The following TMEM132D variants were observed in gnomAD, a reference collection of about 807,000 sequenced individuals.
TMEM132D encodes transmembrane protein 132D.
In TMEM132D, 21 loss-of-function variants were observed where a neutral mutation model predicts 62.3. The observed-to-expected ratio is 0.34, with a 90% CI of 0.24 to 0.49. TMEM132D has a LOEUF of 0.49. Among genes scored for constraint, TMEM132D ranks in the 20% least tolerant of loss-of-function variants. The pLI, the probability that TMEM132D is intolerant of heterozygous loss-of-function variation, is 0.99. For synonymous variants in TMEM132D, 621 were observed against 575.6 expected, an observed-to-expected ratio of 1.08 and a Z score of -1.13; for missense variants, 1,346 against 1,402.8, an observed-to-expected ratio of 0.96 and a Z score of 0.65.
At chr12:129,281,427 T>TA (rs1566020914) in intron 4 of TMEM132D, among the ~76,000 whole-genome samples, 64 of 147,710 alleles carry the variant, frequency 4.3e-4, no homozygotes, top group Admixed American at 2.8e-3. Context: ...TCTTTTTTTT[T>TA]TAAAAAAAAA....
intron 1 of TMEM132D, among the ~76,000 whole-genome samples, chr12:129,738,421 G>A (rs1869495368): frequency 1.3e-5 from 2 of 151,780 alleles, no homozygotes; most frequent in African/African-American, 2.4e-5. Context: ...GAAAGGAAGA[G>A]GGGGGAAGGA....
chr12:129,383,956 G>T (rs751241183), intron 3 of TMEM132D, among the ~76,000 whole-genome samples: 1 of 152,150 alleles, frequency 6.6e-6, no homozygotes, highest in African/African-American at 2.4e-5. Context: ...AGACAACACC[G>T]CAGTCACCCA....
chr12:129,741,525 G>A (rs964048251), intron 1 of TMEM132D, among the ~76,000 whole-genome samples: 4 of 152,202 alleles, frequency 2.6e-5, no homozygotes, highest in South Asian at 4.1e-4. Flanking sequence ...AGAATCAATA[G>A]TATACTGAAG....
intron 2 of TMEM132D, among the ~76,000 whole-genome samples, chr12:129,691,513 T>C (rs1227566265): frequency 6.6e-6 from 1 of 152,100 alleles, no homozygotes; most frequent in Non-Finnish European, 1.5e-5. Context: ...ACTGATCCTA[T>C]ATAAATTAAA....
chr12:129,564,213 G>A (rs1404153878), intron 2 of TMEM132D, among the ~76,000 whole-genome samples: 3 of 152,134 alleles, frequency 2.0e-5, no homozygotes, highest in Admixed American at 6.5e-5. Flanking sequence ...TGCTAATTAA[G>A]GGCAGCTCTG....
chr12:129,878,315 C>G (rs540955012), intron 1 of TMEM132D, among the ~76,000 whole-genome samples: 1 of 152,148 alleles, frequency 6.6e-6, no homozygotes, highest in Non-Finnish European at 1.5e-5. Flanking sequence ...CTTTACGTTA[C>G]TGTAATTAAG....
chr12:129,174,464 T>C (rs549089071), intron 5 of TMEM132D, among the ~76,000 whole-genome samples: 12 of 152,354 alleles, frequency 7.9e-5, no homozygotes, highest in African/African-American at 2.9e-4. Context: ...AAATTTTCTT[T>C]ATCCAGTCTA....
intron 2 of TMEM132D, among the ~76,000 whole-genome samples, chr12:129,533,066 T>C (rs952840121): frequency 6.6e-6 from 1 of 152,186 alleles, no homozygotes; most frequent in African/African-American, 2.4e-5. Context: ...GGACACATAC[T>C]GATTTGGCGA....
chr12:129,119,917 G>A (rs1876005312), intron 5 of TMEM132D, among the ~76,000 whole-genome samples: 1 of 152,180 alleles, frequency 6.6e-6, no homozygotes, highest in Non-Finnish European at 1.5e-5. Flanking sequence ...GAAGGAGACA[G>A]TGGAGAGAGG....
intron 2 of TMEM132D, among the ~76,000 whole-genome samples, chr12:129,588,972 A>C (rs910932880): frequency 6.6e-6 from 1 of 152,070 alleles, no homozygotes; most frequent in Admixed American, 6.5e-5. Flanking sequence ...CTGGGGTTTA[A>C]AATAGAAGAA....
chr12:129,577,976 C>T (rs369913894), intron 2 of TMEM132D, among the ~76,000 whole-genome samples: 2 of 152,180 alleles, frequency 1.3e-5, no homozygotes, highest in Non-Finnish European at 2.9e-5. Flanking sequence ...ACATCATCCT[C>T]GCCAATTCAC....
chr12:129,559,511 C>T (rs540139678), intron 2 of TMEM132D, among the ~76,000 whole-genome samples: 1 of 152,302 alleles, frequency 6.6e-6, no homozygotes, highest in African/African-American at 2.4e-5. Context: ...CCAGCAGGTA[C>T]AAAAGCCTGT....
intron 3 of TMEM132D, among the ~76,000 whole-genome samples, chr12:129,355,953 C>T (rs764183820): frequency 9.2e-5 from 14 of 152,138 alleles, no homozygotes; most frequent in Non-Finnish European, 1.3e-4. Flanking sequence ...CGCTTGCCCT[C>T]CAGAGCCACC....
intron 4 of TMEM132D, among the ~76,000 whole-genome samples, chr12:129,292,245 T>C (rs530663369): frequency 6.6e-6 from 1 of 152,336 alleles, no homozygotes; most frequent in African/African-American, 2.4e-5. Context: ...GGCAAGAAGC[T>C]TGGTCTTCAT....
chr12:129,515,839 T>C lies in TMEM132D; in HGVS notation c.1115+15220A>G, dbSNP rs143632823. On this transcript the variant is annotated intron_variant, in intron 3 of 8. Transcript: ENST00000422113. ...GAACCCATGCATAAAGCCACAGTTT[T>C]CCCTGGGTCTTTGGATTTTTATTTC... is the stretch of plus-strand genomic sequence containing the variant. Among the ~76,000 whole-genome samples the C allele has an allele frequency of 4.4e-3, 666 of 152,316 alleles. 5 individuals carry two copies. The highest frequency in any genetic ancestry group is 0.015 in the African/African-American group (625 of 41,566).
intron 3 of TMEM132D, among the ~76,000 whole-genome samples, chr12:129,513,821 T>TTTAC (rs1875577929): frequency 8.6e-6 from 1 of 116,666 alleles, no homozygotes; most frequent in South Asian, 2.8e-4. Context: ...TATTTATTTA[T>TTTAC]TTATTTATTT....
intron 1 of TMEM132D, among the ~76,000 whole-genome samples, chr12:129,861,980 A>G (rs1286052613): frequency 2.0e-5 from 3 of 151,820 alleles, no homozygotes; most frequent in Non-Finnish European, 1.5e-5. Context: ...AGGGTCATAT[A>G]CCTACAATTG....
chr12:129,121,247 C>T (rs1876050480), intron 5 of TMEM132D, among the ~76,000 whole-genome samples: 2 of 152,088 alleles, frequency 1.3e-5, no homozygotes, highest in African/African-American at 4.8e-5. Flanking sequence ...AGGTGTGCAC[C>T]ACCATGCCTG....
intron 1 of TMEM132D, chr12:129,853,502 C>T (rs1418892671): frequency 6.6e-6 from 1 of 152,194 alleles, no homozygotes; most frequent in East Asian, 1.9e-4. Flanking sequence ...AAGTTTACCT[C>T]CCTCTGCTTT....
Sources: gnomAD v4.1 joint callset for allele counts (sites outside exome capture counted in the v4.1 genomes callset) on GRCh38, gnomAD v4.1.1 for gene constraint, MANE v1.5 for transcripts, NCBI Gene and HGNC (gene_info 2026-07-23, HGNC 2026-07-21) for gene names.